The following SH3PXD2A variants were observed in gnomAD, a reference collection of about 807,000 sequenced individuals.
SH3PXD2A encodes the protein SH3 and PX domains 2A, also known as SH3 and PX domain-containing protein 2A.
In SH3PXD2A, 32 loss-of-function variants were observed where a neutral mutation model predicts 115.2. The observed-to-expected ratio is 0.28, with a 90% CI of 0.21 to 0.37. The LOEUF (loss-of-function observed/expected upper bound fraction) is 0.37. Among genes scored for constraint, SH3PXD2A ranks in the 10% least tolerant of loss-of-function variants. The pLI is 1.00. For synonymous variants in SH3PXD2A, 610 were observed against 629.1 expected (o/e 0.97, Z 0.45); for missense variants, 1,328 against 1,498.7 (o/e 0.89, Z 1.88).
At chr10:103,737,573 G>C (rs1323080190) in intron 3 of SH3PXD2A, among the ~76,000 whole-genome samples, 2 of 152,218 alleles carry the variant, frequency 1.3e-5, no homozygotes, top group Non-Finnish European at 2.9e-5. Flanking sequence ...TGGGCAACTA[G>C]AGCTCAATTC....
intron 11 of SH3PXD2A, among the ~76,000 whole-genome samples, chr10:103,615,066 A>G (rs2036488735): frequency 6.6e-6 from 1 of 152,244 alleles, no homozygotes; most frequent in African/African-American, 2.4e-5. Flanking sequence ...GGAAGCAACG[A>G]GTAAAAATAC....
intron 6 of SH3PXD2A, among the ~76,000 whole-genome samples, chr10:103,669,275 G>A (rs1269431051): frequency 2.0e-5 from 3 of 152,188 alleles, no homozygotes; most frequent in Non-Finnish European, 2.9e-5. Context: ...AGAAGGACAG[G>A]GACCTTGAGT....
At chr10:103,648,725 G>A (rs909867362) in intron 8 of SH3PXD2A, among the ~76,000 whole-genome samples, 2 of 152,212 alleles carry the variant, frequency 1.3e-5, no homozygotes, top group African/African-American at 2.4e-5. Context: ...TAAAAACCAC[G>A]AGAAGCACCA....
chr10:103,720,255 C>T (rs2038165815), intron 5 of SH3PXD2A, among the ~76,000 whole-genome samples: 1 of 152,244 alleles, frequency 6.6e-6, no homozygotes, highest in Non-Finnish European at 1.5e-5. Context: ...CATTATCCTT[C>T]CGTGTGAGGA....
chr10:103,842,960 A>G (rs1236981498), intron 1 of SH3PXD2A, among the ~76,000 whole-genome samples: 2 of 152,228 alleles, frequency 1.3e-5, no homozygotes, highest in African/African-American at 4.8e-5. Context: ...AGTTAACATT[A>G]TAAAAATTCG....
chr10:103,724,338 G>GT lies in SH3PXD2A; in HGVS notation c.329dup (p.His110GlnfsTer6). 6.3e-7 allele frequency: 1 copy of GT among 1,582,542 alleles called. No individual in the cohort carries two copies. Among genetic ancestry groups the GT allele is most frequent in the Non-Finnish European group, 8.6e-7 (1 of 1,167,552 alleles). ...GGAAGACTTCGTCACACTGTGAGATGTGGGGGGGCAGCCGGACAAGTGCCT... is the reference window on the plus strand; with the variant it reads ...GGAAGACTTCGTCACACTGTGAGATGTTGGGGGGGCAGCCGGACAAGTGCCT... On this transcript the variant is annotated frameshift_variant, in exon 5 of 15. Coordinates refer to ENST00000369774, the MANE Select transcript of SH3PXD2A (RefSeq NM_001394015.1). LOFTEE classifies it high-confidence loss of function.
chr10:103,801,912 C>T (rs375866288), intron 1 of SH3PXD2A, among the ~76,000 whole-genome samples: 34 of 152,268 alleles, frequency 2.2e-4, no homozygotes, highest in African/African-American at 8.2e-4. Flanking sequence ...CCATGTTGGC[C>T]AGGCTGGTCT....
rs925712640 is a variant in SH3PXD2A, at chr10:103,661,795, C to T, written c.473-681G>A. ...AACCCTTAAATAGAAACACATGAGACCCGTCGAATGAGGAGCCGGGGGTGG... is the reference window on the plus strand; with the variant it reads ...AACCCTTAAATAGAAACACATGAGATCCGTCGAATGAGGAGCCGGGGGTGG... On this transcript the variant is annotated intron_variant, in intron 7 of 14. Transcript: ENST00000369774. 22 of 985,224 alleles carry T rather than the reference C, an allele frequency of 2.2e-5. No homozygotes were observed. The African/African-American group carries it at 3.5e-4, about 16-fold the overall frequency. 61.0% of individuals were successfully genotyped at this position (985,224 alleles called of 1,614,324 possible). A position where few individuals can be genotyped will look rare whatever the true frequency, so the allele number is the denominator to read the frequency against.
intron 13 of SH3PXD2A, among the ~76,000 whole-genome samples, chr10:103,606,432 TAAAAAAAAAAAAAAA>T (rs533450822): frequency 4.9e-4 from 4 of 8,148 alleles, no homozygotes; most frequent in Non-Finnish European, 6.6e-4. Context: ...AAGAATTTGC[TAAAAAAAAAAAAAAA>T]AAAAAAAAAA....
intron 4 of SH3PXD2A, among the ~76,000 whole-genome samples, chr10:103,726,529 A>T (rs2134174743): frequency 6.6e-6 from 1 of 152,302 alleles, no homozygotes; most frequent in South Asian, 2.1e-4. Flanking sequence ...GTGTCCCCAG[A>T]TCCTAGTAGA....
chr10:103,776,020 G>A (rs1319344053), intron 2 of SH3PXD2A, among the ~76,000 whole-genome samples: 1 of 152,190 alleles, frequency 6.6e-6, no homozygotes, highest in Non-Finnish European at 1.5e-5. Flanking sequence ...GGGAGCATCT[G>A]TTTCCTTGCC....
At chr10:103,801,222 A>G in intron 2 of SH3PXD2A, 60 bp downstream of exon 2, 1 of 999,936 alleles carries the variant, frequency 1.0e-6, no homozygotes, top group Non-Finnish European at 1.6e-6. Flanking sequence ...AAGCGAGGGT[A>G]TGAGAGAGGC....
At chr10:103,773,447 T>C (rs941280996) in intron 2 of SH3PXD2A, among the ~76,000 whole-genome samples, 3 of 150,844 alleles carry the variant, frequency 2.0e-5, no homozygotes, top group Admixed American at 6.6e-5. Context: ...TTCTTTCTTT[T>C]TTTTTTTTTT....
chr10:103,841,703 GCACCTGTTGTT>G (rs1564902174), intron 1 of SH3PXD2A, among the ~76,000 whole-genome samples: 14 of 152,166 alleles, frequency 9.2e-5, no homozygotes, highest in African/African-American at 3.4e-4. Flanking sequence ...CGGGGCCTTG[GCACCTGTTGTT>G]CCCTCTCCCT....
At chr10:103,713,574 A>G (rs2038070726) in intron 5 of SH3PXD2A, among the ~76,000 whole-genome samples, 1 of 151,864 alleles carries the variant, frequency 6.6e-6, no homozygotes, top group Non-Finnish European at 1.5e-5. Context: ...CTCCTCTGCC[A>G]CTCTCCTTGA....
At chr10:103,763,288 T>C (rs1246433227) in intron 3 of SH3PXD2A, among the ~76,000 whole-genome samples, 1 of 152,204 alleles carries the variant, frequency 6.6e-6, no homozygotes, top group African/African-American at 2.4e-5. Flanking sequence ...TCAGCTGGCC[T>C]AACACTCCAA....
chr10:103,723,156 C>T (rs560488202), intron 5 of SH3PXD2A, among the ~76,000 whole-genome samples: 5 of 152,298 alleles, frequency 3.3e-5, no homozygotes, highest in African/African-American at 1.2e-4. Flanking sequence ...CAGGTTCCCC[C>T]TGCCTCTCCC....
intron 2 of SH3PXD2A, among the ~76,000 whole-genome samples, chr10:103,770,621 T>C (rs1564884885): frequency 6.6e-6 from 1 of 152,220 alleles, no homozygotes; most frequent in East Asian, 1.9e-4. Flanking sequence ...AGATTTGCTT[T>C]CGTTGAAAGC....
intron 10 of SH3PXD2A, among the ~76,000 whole-genome samples, chr10:103,618,184 A>G (rs2036548732): frequency 6.6e-6 from 1 of 152,182 alleles, no homozygotes; most frequent in Non-Finnish European, 1.5e-5. Flanking sequence ...GTAGACTCTC[A>G]GGAAGGCTTG....
Sources: allele counts gnomAD v4.1 joint callset (sites outside exome capture counted in the v4.1 genomes callset), GRCh38; gene constraint gnomAD v4.1.1; transcripts MANE v1.5; gene names NCBI Gene and HGNC (gene_info 2026-07-23, HGNC 2026-07-21).